The following RBFOX1 variants were observed in gnomAD, a reference collection of about 807,000 sequenced individuals.
RBFOX1 encodes the protein RNA binding fox-1 homolog 1.
RBFOX1 carries 8 observed loss-of-function variants against 57.7 expected under a neutral mutation model. The observed-to-expected ratio is 0.14, with a 90% CI of 0.08 to 0.25. The LOEUF (loss-of-function observed/expected upper bound fraction) is 0.25, where lower values mean the gene tolerates loss of function less well. Ranked by LOEUF, RBFOX1 falls within the 10% of genes least tolerant of loss-of-function variation. The pLI is 1.00. For synonymous variants in RBFOX1, 326 were observed against 222.4 expected, an observed-to-expected ratio of 1.47 and a Z score of -4.15; for missense variants, 611 against 548.5, an observed-to-expected ratio of 1.11 and a Z score of -1.14.
intron 2 of RBFOX1, among the ~76,000 whole-genome samples, chr16:6,551,043 C>G (rs74428399): frequency 0.031 from 4,666 of 152,156 alleles, 257 homozygotes; most frequent in African/African-American, 0.1. Context: ...GATTTTGTTT[C>G]TCTTGGGGGC....
At chr16:6,279,760 A>G (rs755548710) in intron 1 of RBFOX1, among the ~76,000 whole-genome samples, 5 of 152,198 alleles carry the variant, frequency 3.3e-5, no homozygotes, top group African/African-American at 4.8e-5. Context: ...CATCAAGATT[A>G]GTTTTAATAG....
chr16:5,433,861 G>T (rs1268722624), intron 1 of RBFOX1, among the ~76,000 whole-genome samples: 1 of 152,134 alleles, frequency 6.6e-6, no homozygotes, highest in Non-Finnish European at 1.5e-5. Context: ...TTACATGGAT[G>T]GATGGAAAAC....
intron 2 of RBFOX1, among the ~76,000 whole-genome samples, chr16:6,524,056 G>A (rs987615450): frequency 6.6e-6 from 1 of 152,010 alleles, no homozygotes; most frequent in Non-Finnish European, 1.5e-5. Context: ...TTATTATTGA[G>A]TATAGTCACC....
intron 4 of RBFOX1, among the ~76,000 whole-genome samples, chr16:7,440,940 G>C (rs2098761211): frequency 6.6e-6 from 1 of 152,152 alleles, no homozygotes; most frequent in Non-Finnish European, 1.5e-5. Flanking sequence ...TTTGGAGGCA[G>C]AGGTGAGAGG....
intron 1 of RBFOX1, among the ~76,000 whole-genome samples, chr16:6,288,718 G>T (rs1187079007): frequency 6.6e-6 from 1 of 152,110 alleles, no homozygotes; most frequent in Non-Finnish European, 1.5e-5. Context: ...TGTCTCTGCT[G>T]GTACAGCTGA....
At chr16:6,790,113 A>G (rs2082652352) in intron 3 of RBFOX1, among the ~76,000 whole-genome samples, 2 of 148,250 alleles carry the variant, frequency 1.3e-5, no homozygotes, top group Non-Finnish European at 3.0e-5. Context: ...CATGCTGTGA[A>G]TTTTCTTCTG....
chr16:6,859,195 A>ACG (rs2058565893), intron 3 of RBFOX1, among the ~76,000 whole-genome samples: 2 of 122,022 alleles, frequency 1.6e-5, no homozygotes, highest in Middle Eastern at 3.7e-3. Context: ...GTATATATAT[A>ACG]TGTATATATA....
At chr16:6,189,547 C>T (rs564227913) in intron 1 of RBFOX1, among the ~76,000 whole-genome samples, 2 of 152,304 alleles carry the variant, frequency 1.3e-5, no homozygotes, top group South Asian at 2.1e-4. Flanking sequence ...TGCGGGAGCA[C>T]TCAAACCACA....
intron 4 of RBFOX1, among the ~76,000 whole-genome samples, chr16:7,491,797 A>T (rs747155923): frequency 6.6e-6 from 1 of 152,218 alleles, no homozygotes; most frequent in South Asian, 2.1e-4. Flanking sequence ...TGCCCAGCTA[A>T]TTAATATATA....
chr16:6,979,318 C>T (rs1240870341), intron 3 of RBFOX1, among the ~76,000 whole-genome samples: 1 of 152,178 alleles, frequency 6.6e-6, no homozygotes, highest in Non-Finnish European at 1.5e-5. Context: ...GATATAATAG[C>T]ATTCAGTTGA....
chr16:5,280,386 C>G (rs2063241792), intron 1 of RBFOX1, among the ~76,000 whole-genome samples: 1 of 152,094 alleles, frequency 6.6e-6, no homozygotes, highest in South Asian at 2.1e-4. Flanking sequence ...GAATATTGGC[C>G]TGTAGTTTTC....
intron 3 of RBFOX1, among the ~76,000 whole-genome samples, chr16:6,969,164 T>C (rs1041041572): frequency 2.0e-5 from 3 of 152,262 alleles, no homozygotes; most frequent in African/African-American, 7.2e-5. Flanking sequence ...GTCCCCAAAA[T>C]AGGTAACTTA....
chr16:6,327,004 G>C (rs1027357171), intron 2 of RBFOX1, among the ~76,000 whole-genome samples: 1 of 152,100 alleles, frequency 6.6e-6, no homozygotes, highest in African/African-American at 2.4e-5. Flanking sequence ...CTTTGTGCTC[G>C]TTTTAAACTT....
chr16:6,092,091 C>T (rs1376974196), intron 1 of RBFOX1, among the ~76,000 whole-genome samples: 3 of 152,140 alleles, frequency 2.0e-5, no homozygotes, highest in Non-Finnish European at 4.4e-5. Context: ...TCTGGAGTTC[C>T]ACATTCTCCT....
chr16:6,006,346 A>T (rs533732156), intron 4 of RBFOX1, among the ~76,000 whole-genome samples: 1 of 151,230 alleles, frequency 6.6e-6, no homozygotes, highest in Non-Finnish European at 1.5e-5. Context: ...GAGTGCACAC[A>T]CAAGGATTTG....
chr16:5,634,574 GT>G (rs1275618149), intron 3 of RBFOX1, among the ~76,000 whole-genome samples: 11 of 152,144 alleles, frequency 7.2e-5, no homozygotes, highest in African/African-American at 2.7e-4. Flanking sequence ...GCCAGTGTAA[GT>G]CAGGATGGTT....
chr16:5,244,581 T>G (rs2062248834), intron 1 of RBFOX1, among the ~76,000 whole-genome samples: 1 of 152,240 alleles, frequency 6.6e-6, no homozygotes, highest in Non-Finnish European at 1.5e-5. Flanking sequence ...AAGCTCTCTC[T>G]GCTGAGATAT....
At position 6,776,948 on chromosome 16, in the gene RBFOX1, T is replaced by C. The variant is rs528679758; in HGVS notation, c.-16+122298T>C. ...CACCTGGCTTTGTATTGTTCATAAATTATCTGAGAGGTTGAAATTTATTTA... is the reference window on the plus strand; with the variant it reads ...CACCTGGCTTTGTATTGTTCATAAACTATCTGAGAGGTTGAAATTTATTTA... On this transcript the variant is annotated intron_variant, in intron 3 of 15. Coordinates refer to ENST00000550418, the MANE Select transcript of RBFOX1 (RefSeq NM_018723.4). Among the ~76,000 whole-genome samples the C allele has an allele frequency of 1.4e-4, 22 of 152,336 alleles. No homozygotes were observed. In the South Asian group the frequency reaches 4.3e-3, roughly 30 times the overall value.
At chr16:5,266,187 C>A (rs556513809) in intron 1 of RBFOX1, among the ~76,000 whole-genome samples, 1 of 152,288 alleles carries the variant, frequency 6.6e-6, no homozygotes, top group South Asian at 2.1e-4. Context: ...GTCAGGGTTT[C>A]AGCTGTGACA....
Sources: gnomAD v4.1 joint callset for allele counts (sites outside exome capture counted in the v4.1 genomes callset) on GRCh38, gnomAD v4.1.1 for gene constraint, MANE v1.5 for transcripts, NCBI Gene and HGNC (gene_info 2026-07-23, HGNC 2026-07-21) for gene names.